DGKD: variants seen among roughly 807,000 people sequenced by gnomAD.
DGKD encodes the protein diacylglycerol kinase delta.
In DGKD, 68 loss-of-function variants were observed where a neutral mutation model predicts 154.4. That is an observed-to-expected ratio of 0.44 (90% CI 0.36 to 0.54). DGKD has a LOEUF of 0.54. DGKD is among the 20% of genes least tolerant of loss of function. The probability of loss-of-function intolerance (pLI) is 0.00; values close to 1 mark genes in which losing one functional copy is unlikely to be tolerated. For synonymous variants in DGKD, 693 were observed against 638.0 expected (o/e 1.09, Z -1.30); for missense variants, 1,343 against 1,593.6 (o/e 0.84, Z 2.68).
intron 28 of DGKD, among the ~76,000 whole-genome samples, chr2:233,467,538 G>A (rs527978237): frequency 1.5e-3 from 228 of 152,188 alleles, no homozygotes; most frequent in Non-Finnish European, 2.3e-3. Context: ...CCGTGCTGGG[G>A]CATGCCCTGC....
At chr2:233,401,821 G>A (rs1279112594) in intron 3 of DGKD, among the ~76,000 whole-genome samples, 1 of 147,994 alleles carries the variant, frequency 6.8e-6, no homozygotes, top group Non-Finnish European at 1.5e-5. Context: ...TCAGGAGGCT[G>A]AGGCACAAGA....
chr2:233,434,357 G>T (rs1367294345), intron 3 of DGKD, 23 bp from the exon 4 acceptor site: 1 of 1,599,252 alleles, frequency 6.3e-7, no homozygotes, highest in East Asian at 2.2e-5. Flanking sequence ...TCATGGATCT[G>T]TTGAACCTGT....
chr2:233,399,682 A>G (rs2061510492), intron 3 of DGKD, among the ~76,000 whole-genome samples: 1 of 152,184 alleles, frequency 6.6e-6, no homozygotes, highest in African/African-American at 2.4e-5. Context: ...GTGGGAAGCC[A>G]TTAAGATTTT....
intron 2 of DGKD, among the ~76,000 whole-genome samples, chr2:233,389,918 C>T (rs952286418): frequency 1.3e-5 from 2 of 152,196 alleles, no homozygotes; most frequent in Non-Finnish European, 2.9e-5. Flanking sequence ...GGACCTGTCT[C>T]TCTTCTCCAG....
In DGKD at chr2:233,454,876, A is replaced by C; in HGVS notation, c.2375+3A>C. The C allele has an allele frequency of 1.3e-6, 2 of 1,593,368 alleles. No individual in the cohort carries two copies. Among genetic ancestry groups the C allele is most frequent in the South Asian group, 2.2e-5 (2 of 90,554 alleles). On this transcript the variant is annotated splice_donor_region_variant and intron_variant, in intron 19 of 29. Transcript: ENST00000264057. The stretch of plus-strand genomic sequence containing the variant: ...GATGAGCACCCAGAGAAGTGCAGGT[A>C]GGTAACAGGCTCAGGAGCACGTCTG...
At chr2:233,421,607 C>T (rs956866917) in intron 3 of DGKD, among the ~76,000 whole-genome samples, 7 of 152,096 alleles carry the variant, frequency 4.6e-5, no homozygotes, top group African/African-American at 9.7e-5. Flanking sequence ...ACGCACCACG[C>T]GCCTGCTTCT....
At chr2:233,362,082 G>A (rs1195410765) in intron 1 of DGKD, among the ~76,000 whole-genome samples, 3 of 152,126 alleles carry the variant, frequency 2.0e-5, no homozygotes, top group Non-Finnish European at 4.4e-5. Flanking sequence ...ACATGCGTGA[G>A]CCACCTCACC....
At chr2:233,375,087 C>G (rs961636292) in intron 1 of DGKD, among the ~76,000 whole-genome samples, 1 of 152,086 alleles carries the variant, frequency 6.6e-6, no homozygotes, top group African/African-American at 2.4e-5. Context: ...GTCAGGAGTT[C>G]GAGACCAGCC....
At chr2:233,460,962 A>C (rs1203900441) in intron 24 of DGKD, among the ~76,000 whole-genome samples, 1 of 150,620 alleles carries the variant, frequency 6.6e-6, no homozygotes, top group Admixed American at 6.6e-5. Flanking sequence ...AGCCGCCTTC[A>C]CTTTGCCCTC....
Position 233,457,227 on chromosome 2 carries a change from G to T in DGKD, c.2479G>T (p.Gly827Trp). The change falls in exon 21 of 30, where the codon GGG becomes TGG. Residue 827 changes from glycine to tryptophan, a missense_variant. Gly to Trp is a radical substitution (Grantham distance 184, BLOSUM62 -2). This residue lies in a region of DGKD where 60 missense variants were observed against 112.4 expected (regional missense o/e 0.53). Coordinates refer to ENST00000264057, the MANE Select transcript of DGKD (RefSeq NM_152879.3). This position sits in a 1 kb window ranked among gnomAD's most constrained non-coding sequence, Gnocchi z 5.5. ...LEQKVLLECDGRPIPLPSLQG... is the reference protein window; with the variant it reads ...LEQKVLLECDWRPIPLPSLQG... ...CTGTGTCTCTGCTGCTCAGTGTGAC[G>T]GGCGACCCATCCCACTCCCCAGTCT... 2 of 1,518,066 alleles carry T rather than the reference G, an allele frequency of 1.3e-6. No individual in the cohort carries two copies. The highest frequency in any genetic ancestry group is 1.8e-6 in the Non-Finnish European group (2 of 1,133,376). 94.0% of individuals were successfully genotyped at this position (1,518,066 alleles called of 1,614,324 possible).
At chr2:233,447,118 C>T (rs962792563) in intron 12 of DGKD, among the ~76,000 whole-genome samples, 1 of 152,182 alleles carries the variant, frequency 6.6e-6, no homozygotes, top group South Asian at 2.1e-4. Flanking sequence ...AAACGGTGCG[C>T]GCCCGTTCCC....
At chr2:233,399,232 T>C (rs1434923196) in intron 3 of DGKD, among the ~76,000 whole-genome samples, 1 of 152,200 alleles carries the variant, frequency 6.6e-6, no homozygotes, top group Non-Finnish European at 1.5e-5. Flanking sequence ...AGAGCAAGGA[T>C]TTTTGTCTGT....
At chr2:233,376,003 CAG>C (rs926876482) in intron 1 of DGKD, among the ~76,000 whole-genome samples, 4 of 152,068 alleles carry the variant, frequency 2.6e-5, no homozygotes, top group Admixed American at 6.5e-5. Flanking sequence ...TTTATTGAAA[CAG>C]AGTGATTTCA....
intron 18 of DGKD, 159 bp from the exon 19 acceptor site, chr2:233,454,604 T>G (rs958276141): frequency 8.3e-6 from 5 of 598,958 alleles, no homozygotes; most frequent in Admixed American, 3.1e-5. Flanking sequence ...CATTTTAAAT[T>G]GGTAAATTAT....
rs1413954374 is a variant in DGKD at position 233,440,535 on chromosome 2, G to A, written c.1086-1352G>A. Among the ~76,000 whole-genome samples, 1 of 152,150 alleles carries A rather than the reference G, an allele frequency of 6.6e-6. No homozygotes were observed. Among genetic ancestry groups the A allele is most frequent in the African/African-American group, 2.4e-5 (1 of 41,432 alleles). On this transcript the variant is annotated intron_variant, in intron 9 of 29. Transcript: ENST00000264057. The surrounding 1 kb of genome is among the most constrained non-coding windows in gnomAD (Gnocchi z 4.9). ...CAAGTCAAACTGGGCGTCCTTCCACGTCTCCCCGAGCTGGCATCCGAGGAG... is the reference window on the plus strand; with the variant it reads ...CAAGTCAAACTGGGCGTCCTTCCACATCTCCCCGAGCTGGCATCCGAGGAG...
At chr2:233,363,162 G>A (rs2125380104) in intron 1 of DGKD, among the ~76,000 whole-genome samples, 1 of 152,252 alleles carries the variant, frequency 6.6e-6, no homozygotes, top group Middle Eastern at 3.4e-3. Flanking sequence ...CCAGAAGAAG[G>A]CATTGTTATC....
chr2:233,435,188 T>A (rs1235560939), intron 5 of DGKD, among the ~76,000 whole-genome samples: 5 of 152,178 alleles, frequency 3.3e-5, no homozygotes, highest in Non-Finnish European at 5.9e-5. Flanking sequence ...GGAACAGTGG[T>A]CGGCCCCTGT....
Position 233,445,697 on chromosome 2 carries a change from T to C in DGKD, c.1269T>C (p.Asp423=). The C allele has an allele frequency of 6.2e-7, 1 of 1,613,732 alleles. No homozygotes were observed. The highest frequency in any genetic ancestry group is 8.5e-7 in the Non-Finnish European group (1 of 1,179,864). The part of the protein sequence containing the change: ...ARVLGWGSAC[D]DDTQLPQILE... ...TACTGGGCTGGGGCTCAGCCTGCGA[T>C]GACGACACCCAGCTCCCCCAGATCT... Residue 423 remains aspartate, a synonymous_variant, in exon 11 of 30, where the codon GAT becomes GAC. Transcript: ENST00000264057. This position sits in a 1 kb window ranked among gnomAD's most constrained non-coding sequence, Gnocchi z 5.5.
Position 233,459,733 on chromosome 2 carries a change from G to A in DGKD, c.2695-24G>A, listed in dbSNP as rs375598768. ...CCCTGGGGGTTTTGGCTCAGCATGA[G>A]TAATGGCTATGATGTCTGCTCAGTG... On this transcript the variant is annotated intron_variant, in intron 22 of 29. Coordinates refer to ENST00000264057, the MANE Select transcript of DGKD (RefSeq NM_152879.3). The surrounding 1 kb of genome is among the most constrained non-coding windows in gnomAD (Gnocchi z 5.7). 5.9e-5 allele frequency: 95 copies of A among 1,610,400 alleles called. No homozygotes were observed. Among genetic ancestry groups the A allele is most frequent in the Admixed American group, 1.0e-4 (6 of 59,576 alleles).
Sources: allele counts gnomAD v4.1 joint callset (sites outside exome capture counted in the v4.1 genomes callset), GRCh38; gene constraint gnomAD v4.1.1; regional missense constraint gnomAD v4.1.1; non-coding constraint Gnocchi (gnomAD v3.1); transcripts MANE v1.5; gene names NCBI Gene and HGNC (gene_info 2026-07-23, HGNC 2026-07-21).